Variants in PDE4D observed in about 807,000 individuals in gnomAD.
The protein encoded by PDE4D is 3',5'-cyclic-AMP phosphodiesterase 4D.
PDE4D carries 24 observed loss-of-function variants against 87.4 expected under a neutral mutation model. The ratio of observed to expected loss-of-function variants is 0.27; its 90% CI spans 0.20 to 0.39. PDE4D has a LOEUF of 0.39. Among genes scored for constraint, PDE4D ranks in the 10% least tolerant of loss-of-function variants. The probability of loss-of-function intolerance (pLI) is 1.00; values close to 1 mark genes in which losing one functional copy is unlikely to be tolerated. For missense variants in PDE4D, 714 were observed against 1,041.0 expected (o/e 0.69, Z 4.32); for synonymous variants, 384 against 383.2 (o/e 1.00, Z -0.02).
chr5:59,091,655 A>G (rs1035836066), intron 5 of PDE4D, among the ~76,000 whole-genome samples: 1 of 152,124 alleles, frequency 6.6e-6, no homozygotes, highest in African/African-American at 2.4e-5. Flanking sequence ...GTAAAAGTAA[A>G]GTCAAGATAG....
intron 2 of PDE4D, among the ~76,000 whole-genome samples, chr5:60,120,272 A>T (rs559551031): frequency 6.7e-6 from 1 of 150,200 alleles, no homozygotes; most frequent in Non-Finnish European, 1.5e-5. Flanking sequence ...GCATAGATGC[A>T]CTAACAGGAG....
In PDE4D at chr5:59,831,357, T is replaced by C. The variant is rs371596968; in HGVS notation, c.455+61811A>G. 3.7e-5 allele frequency among the ~76,000 whole-genome samples: 4 copies of C among 108,834 alleles called. No individual in the cohort carries two copies. The East Asian group carries it at 1.0e-3, about 28-fold the overall frequency. The allele number at this position is 108,834 out of a possible 152,430, so 71.4% of individuals were successfully genotyped here. On this transcript the variant is annotated intron_variant, in intron 1 of 14. Coordinates refer to ENST00000340635, the MANE Select transcript of PDE4D (RefSeq NM_001104631.2). ...AAAAAAAAAAAAAAAACCGGGCAAA[T>C]AAGATGAACAATATCACTGACTTCC... is the stretch of plus-strand genomic sequence containing the variant.
chr5:59,388,264 A>G (rs1280184200), intron 1 of PDE4D, among the ~76,000 whole-genome samples: 2 of 152,182 alleles, frequency 1.3e-5, no homozygotes, highest in African/African-American at 4.8e-5. Context: ...AATGTTCAAC[A>G]TCACTTAATA....
intron 1 of PDE4D, among the ~76,000 whole-genome samples, chr5:59,472,118 C>T (rs1040769812): frequency 2.6e-5 from 4 of 152,082 alleles, no homozygotes; most frequent in Admixed American, 6.6e-5. Flanking sequence ...TTACTACATA[C>T]GGTCTTGGAA....
intron 1 of PDE4D, among the ~76,000 whole-genome samples, chr5:60,257,337 T>C (rs1253817699): frequency 1.3e-5 from 2 of 151,992 alleles, no homozygotes; most frequent in African/African-American, 4.8e-5. Flanking sequence ...AAATCATTTC[T>C]ACACAAAACT....
chr5:59,015,076 A>G (rs1241895048), intron 6 of PDE4D, among the ~76,000 whole-genome samples: 1 of 152,218 alleles, frequency 6.6e-6, no homozygotes, highest in African/African-American at 2.4e-5. Context: ...CCATATGTAG[A>G]AAGCTGAAAC....
chr5:59,429,532 CA>C (rs770079370), intron 1 of PDE4D, among the ~76,000 whole-genome samples: 1 of 152,098 alleles, frequency 6.6e-6, no homozygotes, highest in Non-Finnish European at 1.5e-5. Flanking sequence ...ATAGTAATGA[CA>C]GTTTCCAAGT....
At chr5:60,047,918 C>A (rs1206649454) in intron 2 of PDE4D, among the ~76,000 whole-genome samples, 1 of 152,020 alleles carries the variant, frequency 6.6e-6, no homozygotes, top group Non-Finnish European at 1.5e-5. Flanking sequence ...CCAGGGTATC[C>A]TTGTTGACTT....
At chr5:60,303,713 G>A (rs1399549564) in intron 1 of PDE4D, among the ~76,000 whole-genome samples, 3 of 152,112 alleles carry the variant, frequency 2.0e-5, no homozygotes, top group African/African-American at 4.8e-5. Flanking sequence ...TTTTACTTCC[G>A]GTTATGTGAT....
rs539675943 is a variant in PDE4D at position 59,275,556 on chromosome 5, G to T, written c.456-59588C>A. ...TCCTGGAGTCCATCTCCTGTCCTCG[G>T]TCCAGCTCATGGGCAAGGTTCTAAC... is the stretch of plus-strand genomic sequence containing the variant. On this transcript the variant is annotated intron_variant, in intron 1 of 14. Coordinates refer to ENST00000340635, the MANE Select transcript of PDE4D (RefSeq NM_001104631.2). The T allele has an allele frequency of 5.6e-6, 8 of 1,426,534 alleles. No individual in the cohort carries two copies. In the African/African-American group the frequency reaches 1.0e-4, roughly 18 times the overall value. The allele number at this position is 1,426,534 out of a possible 1,614,324, so 88.4% of individuals were successfully genotyped here.
At chr5:59,007,259 C>T (rs1441569335) in intron 6 of PDE4D, among the ~76,000 whole-genome samples, 1 of 152,110 alleles carries the variant, frequency 6.6e-6, no homozygotes, top group Non-Finnish European at 1.5e-5. Context: ...TTATTTTACA[C>T]CTTTCACCTT....
At chr5:60,312,534 C>T (rs771888880) in intron 1 of PDE4D, among the ~76,000 whole-genome samples, 2 of 152,158 alleles carry the variant, frequency 1.3e-5, no homozygotes, top group Non-Finnish European at 2.9e-5. Flanking sequence ...AGGCAGGCAC[C>T]TTCTTCACAA....
At chr5:59,431,028 G>T (rs1796030092) in intron 1 of PDE4D, among the ~76,000 whole-genome samples, 1 of 152,082 alleles carries the variant, frequency 6.6e-6, no homozygotes, top group African/African-American at 2.4e-5. Context: ...TGATAGAACT[G>T]AACTTAGCCT....
At chr5:60,138,684 G>A (rs1359503201) in intron 2 of PDE4D, among the ~76,000 whole-genome samples, 4 of 152,014 alleles carry the variant, frequency 2.6e-5, no homozygotes, top group Non-Finnish European at 4.4e-5. Context: ...TGATATTTCT[G>A]AAGTGCCTAC....
At position 60,083,959 on chromosome 5, in the gene PDE4D, T is replaced by A. The variant is rs145706161; in HGVS notation, c.43-95242A>T. Among the ~76,000 whole-genome samples, 309 of 152,310 alleles carry A rather than the reference T, an allele frequency of 2.0e-3. 2 individuals are homozygous for A. The highest frequency in any genetic ancestry group is 2.7e-3 in the Non-Finnish European group (187 of 68,020). On this transcript the variant is annotated intron_variant, in intron 2 of 16. Transcript: ENST00000502484. ...TTTAACCTTTTGGCTTATTAGAAAT[T>A]CCCTCTAAAGTATATGCCAGTTTTC...
At chr5:59,229,698 C>T (rs1006638153) in intron 1 of PDE4D, among the ~76,000 whole-genome samples, 2 of 152,296 alleles carry the variant, frequency 1.3e-5, no homozygotes, top group Admixed American at 6.5e-5. Context: ...TCATTAGTTT[C>T]ACCTCAGATC....
At chr5:60,461,601 T>G (rs2150172830) in intron 1 of PDE4D, among the ~76,000 whole-genome samples, 1 of 152,222 alleles carries the variant, frequency 6.6e-6, no homozygotes, top group East Asian at 1.9e-4. Flanking sequence ...TTTGACTGAT[T>G]CTCCAACAAA....
chr5:60,404,809 C>A (rs1391409503), intron 1 of PDE4D, among the ~76,000 whole-genome samples: 1 of 152,156 alleles, frequency 6.6e-6, no homozygotes, highest in African/African-American at 2.4e-5. Flanking sequence ...AGGGATTGGG[C>A]CATGTTGGAA....
At chr5:59,461,228 T>TA (rs1269068210) in intron 1 of PDE4D, among the ~76,000 whole-genome samples, 1 of 151,878 alleles carries the variant, frequency 6.6e-6, no homozygotes, top group Non-Finnish European at 1.5e-5. Context: ...ACCATTTTAG[T>TA]AAAAAAGATT....
Sources: gnomAD v4.1 joint callset for allele counts (sites outside exome capture counted in the v4.1 genomes callset) on GRCh38, gnomAD v4.1.1 for gene constraint, MANE v1.5 for transcripts, NCBI Gene and HGNC (gene_info 2026-07-23, HGNC 2026-07-21) for gene names.